PCDHA11: variants seen among roughly 807,000 people sequenced by gnomAD.
The protein encoded by PCDHA11 is protocadherin alpha 11, also known as protocadherin alpha-11.
In PCDHA11, 61 loss-of-function variants were observed where a neutral mutation model predicts 70.3. The observed-to-expected ratio is 0.87, with a 90% CI of 0.71 to 1.07. The LOEUF (loss-of-function observed/expected upper bound fraction) is 1.07. Ranked by LOEUF, PCDHA11 falls within the 50% of genes least tolerant of loss-of-function variation. The pLI, the probability that PCDHA11 is intolerant of heterozygous loss-of-function variation, is 0.00. For synonymous variants in PCDHA11, 633 were observed against 555.1 expected (o/e 1.14, Z -1.97); for missense variants, 1,324 against 1,237.5 (o/e 1.07, Z -1.05).
At chr5:140,973,442 A>G (rs1230315099) in intron 1 of PCDHA11, among the ~76,000 whole-genome samples, 4 of 152,274 alleles carry the variant, frequency 2.6e-5, no homozygotes, top group Non-Finnish European at 5.9e-5. Context: ...TGGTCACTTT[A>G]TAATGACTGG....
At chr5:140,875,978 C>T (rs534648937) in intron 1 of PCDHA11, 2 of 1,613,976 alleles carry the variant, frequency 1.2e-6, no homozygotes, top group East Asian at 4.5e-5. Flanking sequence ...TCTCTTTTGA[C>T]CTATGCGTTA....
chr5:140,962,512 AATAAT>A (rs2095688598), intron 1 of PCDHA11, among the ~76,000 whole-genome samples: 1 of 152,184 alleles, frequency 6.6e-6, no homozygotes, highest in Admixed American at 6.5e-5. Flanking sequence ...GCCAACTATC[AATAAT>A]ATATTAGTTT....
chr5:140,895,670 G>A (rs551602030), intron 1 of PCDHA11, among the ~76,000 whole-genome samples: 2 of 152,132 alleles, frequency 1.3e-5, no homozygotes, highest in African/African-American at 2.4e-5. Context: ...AGAACATGTA[G>A]TATTTGGTTT....
At chr5:140,904,064 G>C (rs1238949756) in intron 1 of PCDHA11, among the ~76,000 whole-genome samples, 2 of 151,906 alleles carry the variant, frequency 1.3e-5, no homozygotes, top group Non-Finnish European at 2.9e-5. Context: ...TGGGTTTTTG[G>C]GGAACAGTAT....
chr5:140,993,256 A>C lies in PCDHA11; in HGVS notation c.2539+10693A>C, dbSNP rs1419636248. Among the ~76,000 whole-genome samples, 3 of 152,148 alleles carry C rather than the reference A, an allele frequency of 2.0e-5. No homozygotes were observed. In the East Asian group the frequency reaches 5.8e-4, roughly 29 times the overall value. On this transcript the variant is annotated intron_variant, in intron 3 of 3. Coordinates refer to ENST00000398640, the MANE Select transcript of PCDHA11 (RefSeq NM_018902.5). The stretch of plus-strand genomic sequence containing the variant: ...CTGAATCTGGGGATTTAGATATATA[A>C]ATTAGCTTCTTTGGTCTTTTCTTGC...
At chr5:140,962,673 C>T (rs1409804701) in intron 1 of PCDHA11, among the ~76,000 whole-genome samples, 2 of 152,164 alleles carry the variant, frequency 1.3e-5, no homozygotes, top group African/African-American at 4.8e-5. Flanking sequence ...TTCCCATCCA[C>T]TGGATGTTTT....
chr5:140,999,673 T>G (rs2097868835), intron 3 of PCDHA11, among the ~76,000 whole-genome samples: 1 of 152,050 alleles, frequency 6.6e-6, no homozygotes, highest in Non-Finnish European at 1.5e-5. Context: ...TGCGGGGGGC[T>G]CACAGAAAGA....
At chr5:140,941,221 T>TTCTTTCTTTCTTTCTTTCTC (rs1563186510) in intron 1 of PCDHA11, among the ~76,000 whole-genome samples, 1 of 131,536 alleles carries the variant, frequency 7.6e-6, no homozygotes, top group Admixed American at 7.9e-5. Context: ...CTTCCTTTCT[T>TTCTTTCTTTCTTTCTTTCTC]TCTTTCTTTC....
rs782361286 is a variant in PCDHA11, at chr5:140,876,924, G to T, written c.2391+5430G>T. The T allele has an allele frequency of 4.3e-6, 7 of 1,613,704 alleles. No individual in the cohort carries two copies. The African/African-American group carries it at 5.3e-5, about 12-fold the overall frequency. The stretch of plus-strand genomic sequence containing the variant: ...CGGTGTCGGCATGGGACGCGGACGC[G>T]CAGAAGAACGCGCTGGTGTCCTACT... On this transcript the variant is annotated intron_variant, in intron 1 of 3. Coordinates refer to ENST00000398640, the MANE Select transcript of PCDHA11 (RefSeq NM_018902.5).
intron 1 of PCDHA11, among the ~76,000 whole-genome samples, chr5:140,913,986 G>A (rs1326699020): frequency 1.3e-5 from 2 of 152,048 alleles, no homozygotes; most frequent in African/African-American, 4.8e-5. Context: ...GACTTGTATT[G>A]TGACTAGCAT....
chr5:140,982,286 A>C, intron 2 of PCDHA11, 189 bp from the exon 3 acceptor site: 1 of 1,075,236 alleles, frequency 9.3e-7, no homozygotes, highest in Non-Finnish European at 1.3e-6. Flanking sequence ...GCAGGCAATA[A>C]GTAAGTCAGC....
chr5:140,904,335 C>T (rs142753502), intron 1 of PCDHA11, among the ~76,000 whole-genome samples: 2,168 of 152,034 alleles, frequency 0.014, 62 homozygotes, highest in African/African-American at 0.05. Flanking sequence ...TCTCCAGTTC[C>T]ATCCAGGTTG....
chr5:140,923,297 G>C (rs1554201355), intron 1 of PCDHA11, among the ~76,000 whole-genome samples: 1 of 152,186 alleles, frequency 6.6e-6, no homozygotes, highest in African/African-American at 2.4e-5. Flanking sequence ...AATTAGCTGG[G>C]CGTGGGGGCG....
In PCDHA11 at chr5:140,870,695, A is replaced by C; in HGVS notation, c.1592A>C (p.Gln531Pro). The C allele has an allele frequency of 6.2e-7, 1 of 1,613,024 alleles. No homozygotes were observed. The highest frequency in any genetic ancestry group is 2.2e-5 in the East Asian group (1 of 44,876). ...PLDHEELELL[Q>P]FQVSARDAGV... ...GACCACGAGGAGCTGGAGCTGCTAC[A>C]GTTCCAGGTGAGCGCGCGCGATGCG... Residue 531 changes from glutamine to proline, a missense_variant, in exon 1 of 4, where the codon CAG (glutamine) becomes CCG (proline). Coordinates refer to ENST00000398640, the MANE Select transcript of PCDHA11 (RefSeq NM_018902.5).
chr5:140,877,178 C>T (rs370071106), intron 1 of PCDHA11: 2 of 1,613,794 alleles, frequency 1.2e-6, no homozygotes, highest in South Asian at 2.2e-5. Context: ...CTGGCGACTC[C>T]GGCTGGCAGC....
At chr5:140,919,406 T>C (rs1325443914) in intron 1 of PCDHA11, among the ~76,000 whole-genome samples, 1 of 152,254 alleles carries the variant, frequency 6.6e-6, no homozygotes, top group East Asian at 1.9e-4. Flanking sequence ...CTAAAAACTC[T>C]AGACTGACAA....
intron 1 of PCDHA11, among the ~76,000 whole-genome samples, chr5:140,897,257 T>C (rs1554187284): frequency 6.6e-6 from 1 of 151,916 alleles, no homozygotes; most frequent in Non-Finnish European, 1.5e-5. Context: ...TATGTATACA[T>C]GTGCCATGCT....
intron 3 of PCDHA11, among the ~76,000 whole-genome samples, chr5:141,001,281 A>T (rs1239906088): frequency 6.6e-6 from 1 of 152,168 alleles, no homozygotes; most frequent in African/African-American, 2.4e-5. Context: ...TTTTTTACGG[A>T]TGAAAACTGA....
At chr5:140,967,671 A>G in intron 1 of PCDHA11, 1 of 1,614,130 alleles carries the variant, frequency 6.2e-7, no homozygotes, top group Non-Finnish European at 8.5e-7. Context: ...TACACGTCGG[A>G]CCGGGAGAGG....
Sources: gnomAD v4.1 joint callset for allele counts (sites outside exome capture counted in the v4.1 genomes callset) on GRCh38, gnomAD v4.1.1 for gene constraint, MANE v1.5 for transcripts, NCBI Gene and HGNC (gene_info 2026-07-23, HGNC 2026-07-21) for gene names.